GOSR2: variants seen among roughly 807,000 people sequenced by gnomAD.
GOSR2 encodes the protein 27 kDa Golgi SNARE protein.
Under a neutral mutation model 27.9 loss-of-function variants are expected in GOSR2, and 20 were observed. That is an observed-to-expected ratio of 0.72 (90% CI 0.50 to 1.04). The LOEUF is 1.04. GOSR2 is among the 50% of genes least tolerant of loss of function. The probability of loss-of-function intolerance (pLI) is 0.00; values close to 1 mark genes in which losing one functional copy is unlikely to be tolerated. For synonymous variants in GOSR2, 91 were observed against 98.8 expected, an observed-to-expected ratio of 0.92 and a Z score of 0.47; for missense variants, 261 against 270.5, an observed-to-expected ratio of 0.97 and a Z score of 0.25.
intron 1 of GOSR2, among the ~76,000 whole-genome samples, chr17:46,928,177 A>G (rs957913696): frequency 4.6e-5 from 7 of 152,110 alleles, no homozygotes; most frequent in African/African-American, 1.7e-4. Flanking sequence ...TCAGGGCCAC[A>G]GGTCTTGCCT....
At chr17:46,929,653 G>T in intron 2 of GOSR2, 69 bp downstream of exon 2, 1 of 817,658 alleles carries the variant, frequency 1.2e-6, no homozygotes, top group South Asian at 1.3e-5. Context: ...TGGGCTTCCT[G>T]ACTGCACTCT....
chr17:46,942,543 C>A (rs774863428), downstream of GOSR2, among the ~76,000 whole-genome samples: 5 of 152,176 alleles, frequency 3.3e-5, no homozygotes, highest in Non-Finnish European at 7.4e-5. Flanking sequence ...GAGAGGTGTG[C>A]AGGGGACTGA....
chr17:46,966,148 T>C (rs764837528), intron 6 of GOSR2, among the ~76,000 whole-genome samples: 2 of 152,214 alleles, frequency 1.3e-5, no homozygotes, highest in African/African-American at 2.4e-5. Context: ...TATTTCGTGA[T>C]TGAGGGATCA....
In GOSR2 at chr17:46,941,523, G is replaced by A. The variant is rs1017112806; in HGVS notation, c.*2763G>A. 2.9e-5 allele frequency: 14 copies of A among 476,320 alleles called. No homozygotes were observed. Among genetic ancestry groups the A allele is most frequent in the African/African-American group, 2.5e-4 (12 of 47,488 alleles). 29.5% of individuals were successfully genotyped at this position (476,320 alleles called of 1,614,324 possible). On this transcript the variant is annotated 3_prime_UTR_variant, in exon 6 of 6. Coordinates refer to ENST00000640051, the MANE Select transcript of GOSR2 (RefSeq NM_004287.5). ...AGCTTTTTAAAATTACATATTCCTG[G>A]GGCCTACCCCAGATCTGAATTAGAA...
Position 46,940,375 on chromosome 17 carries a change from T to G in GOSR2, c.*1615T>G, listed in dbSNP as rs2089088097. 6.6e-7 allele frequency: 1 copy of G among 1,519,222 alleles called. No individual in the cohort carries two copies. 94.1% of individuals were successfully genotyped at this position (1,519,222 alleles called of 1,614,324 possible). Reference sequence around the variant, plus strand: ...GCCCTGCCAGAGTTAAAGCAGTGACTGGAGGGTGGACTGGGGGGTTGCAGC... The same window carrying G: ...GCCCTGCCAGAGTTAAAGCAGTGACGGGAGGGTGGACTGGGGGGTTGCAGC... On this transcript the variant is annotated 3_prime_UTR_variant, in exon 6 of 6. Coordinates refer to ENST00000640051, the MANE Select transcript of GOSR2 (RefSeq NM_004287.5).
intron 6 of GOSR2, among the ~76,000 whole-genome samples, chr17:46,963,481 G>A (rs1342788897): frequency 6.6e-6 from 1 of 151,314 alleles, no homozygotes; most frequent in Non-Finnish European, 1.5e-5. Flanking sequence ...GGAGGTGGAG[G>A]TTACAGTGAG....
At chr17:46,973,177 G>A (rs1276865770) in intron 6 of GOSR2, 3 of 153,780 alleles carry the variant, frequency 2.0e-5, no homozygotes, top group African/African-American at 7.2e-5. Flanking sequence ...TGCCGGATGA[G>A]GGCCATTTCT....
At chr17:46,932,302 C>G in intron 4 of GOSR2, 103 bp downstream of exon 4, 1 of 1,379,060 alleles carries the variant, frequency 7.3e-7, no homozygotes, top group Admixed American at 1.7e-5. Context: ...CTGAAGAAGA[C>G]TGATGATGAG....
Position 46,940,593 on chromosome 17 carries a change from A to G in GOSR2, c.*1833A>G, listed in dbSNP as rs1195272876. On this transcript the variant is annotated 3_prime_UTR_variant, in exon 6 of 6. Transcript: ENST00000640051. The stretch of plus-strand genomic sequence containing the variant: ...CTGCCAGACAGCACACTTTGGAGGA[A>G]GGTCTGCAGGGAGCAGCTGAGCCAT... 6.2e-7 allele frequency: 1 copy of G among 1,614,062 alleles called. No homozygotes were observed. The highest frequency in any genetic ancestry group is 1.3e-5 in the African/African-American group (1 of 74,932).
intron 6 of GOSR2, among the ~76,000 whole-genome samples, chr17:46,952,444 C>T (rs1769075244): frequency 6.6e-6 from 1 of 152,232 alleles, no homozygotes; most frequent in Non-Finnish European, 1.5e-5. Context: ...CTACACGCCA[C>T]TTTTGTTGAT....
chr17:46,952,420 C>T (rs927348281), intron 6 of GOSR2, among the ~76,000 whole-genome samples: 1 of 152,166 alleles, frequency 6.6e-6, no homozygotes, highest in Non-Finnish European at 1.5e-5. Flanking sequence ...CCATTCCTCC[C>T]CTATTCTCAC....
At chr17:46,933,548 G>C (rs1301916870) in intron 4 of GOSR2, 1 of 151,784 alleles carries the variant, frequency 6.6e-6, no homozygotes, top group African/African-American at 2.4e-5. Flanking sequence ...TCTGTGAGGA[G>C]CTCCCCTGTT....
At chr17:46,950,848 G>T (rs2090287603) in intron 6 of GOSR2, among the ~76,000 whole-genome samples, 2 of 152,176 alleles carry the variant, frequency 1.3e-5, no homozygotes, top group Admixed American at 1.3e-4. Flanking sequence ...AGTGGTCTTG[G>T]GGACCACCAA....
chr17:46,943,902 C>T (rs2089593656), downstream of GOSR2, among the ~76,000 whole-genome samples: 7 of 152,266 alleles, frequency 4.6e-5, 1 homozygote, highest in South Asian at 1.5e-3. Flanking sequence ...CCTGGCGATC[C>T]CTCGGTCTGA....
At chr17:46,924,048 T>C (rs140225898) in intron 1 of GOSR2, among the ~76,000 whole-genome samples, 38 of 152,352 alleles carry the variant, frequency 2.5e-4, no homozygotes, top group African/African-American at 8.2e-4. Context: ...TTGAGTACAT[T>C]CACAACTTAC....
Position 46,923,164 on chromosome 17 carries a change from C to T in GOSR2, c.-29C>T, listed in dbSNP as rs769918763. 1.8e-4 allele frequency: 258 copies of T among 1,459,998 alleles called. No individual in the cohort carries two copies. The highest frequency in any genetic ancestry group is 2.2e-4 in the Non-Finnish European group (229 of 1,063,912). The allele number at this position is 1,459,998 out of a possible 1,614,324, so 90.4% of individuals were successfully genotyped here. ...AGGACGTGTTCCGAGGAAGCCAGAGCCGGAGCCGTGGCCTGCGGGGCCGGC... is the reference window on the plus strand; with the variant it reads ...AGGACGTGTTCCGAGGAAGCCAGAGTCGGAGCCGTGGCCTGCGGGGCCGGC... On this transcript the variant is annotated 5_prime_UTR_variant, in exon 1 of 6. Coordinates refer to ENST00000640051, the MANE Select transcript of GOSR2 (RefSeq NM_004287.5).
rs796052540 is a variant in GOSR2, at chr17:46,929,588, A to G, written c.94+4A>G. On this transcript the variant is annotated splice_donor_region_variant and intron_variant, in intron 2 of 5. Coordinates refer to ENST00000640051, the MANE Select transcript of GOSR2 (RefSeq NM_004287.5). ...GCAGACAAGCAGTCTGTGCACAGTG[A>G]GTAATTAACTGTGGAGACCAGAGTC... 2.8e-6 allele frequency: 4 copies of G among 1,438,558 alleles called. No individual in the cohort carries two copies. The highest frequency in any genetic ancestry group is 1.7e-5 in the Admixed American group (1 of 59,798). 89.1% of individuals were successfully genotyped at this position (1,438,558 alleles called of 1,614,324 possible). A position where few individuals can be genotyped will look rare whatever the true frequency, so the allele number is the denominator to read the frequency against.
chr17:46,966,904 T>C (rs1408394409), exon 7 of GOSR2: 2 of 396,394 alleles, frequency 5.0e-6, no homozygotes, highest in Non-Finnish European at 8.9e-6. Context: ...TAAAGGGAAA[T>C]CATTTTCATG....
intron 6 of GOSR2, among the ~76,000 whole-genome samples, chr17:46,974,642 G>A (rs1237798981): frequency 3.3e-5 from 5 of 152,024 alleles, no homozygotes; most frequent in South Asian, 2.1e-4. Flanking sequence ...GCTGAGGCAG[G>A]AGGATGGCGT....
Sources: gnomAD v4.1 joint callset for allele counts (sites outside exome capture counted in the v4.1 genomes callset) on GRCh38, gnomAD v4.1.1 for gene constraint, MANE v1.5 for transcripts, NCBI Gene and HGNC (gene_info 2026-07-23, HGNC 2026-07-21) for gene names.